PDE4D: variants seen among roughly 807,000 people sequenced by gnomAD.
The protein encoded by PDE4D is 3',5'-cyclic-AMP phosphodiesterase 4D.
A neutral mutation model predicts 87.4 loss-of-function variants in PDE4D; 24 were observed. The ratio of observed to expected loss-of-function variants is 0.27; its 90% CI spans 0.20 to 0.39. PDE4D has a LOEUF of 0.39. PDE4D is among the 10% of genes least tolerant of loss of function. The pLI, the probability that PDE4D is intolerant of heterozygous loss-of-function variation, is 1.00. For synonymous variants in PDE4D, 384 were observed against 383.2 expected (o/e 1.00, Z -0.02); for missense variants, 714 against 1,041.0 (o/e 0.69, Z 4.32).
intron 1 of PDE4D, among the ~76,000 whole-genome samples, chr5:60,388,405 A>C (rs1762343351): frequency 6.8e-6 from 1 of 146,570 alleles, no homozygotes; most frequent in Non-Finnish European, 1.5e-5. Context: ...CTAAAAAAAA[A>C]ATGGGATAAA....
chr5:60,413,164 A>G (rs1742182746), intron 1 of PDE4D, among the ~76,000 whole-genome samples: 1 of 152,126 alleles, frequency 6.6e-6, no homozygotes, highest in Admixed American at 6.5e-5. Flanking sequence ...TTATCCCAGG[A>G]CATACTTCCT....
intron 1 of PDE4D, among the ~76,000 whole-genome samples, chr5:60,195,681 T>G (rs2149531198): frequency 6.6e-6 from 1 of 151,782 alleles, no homozygotes; most frequent in African/African-American, 2.4e-5. Flanking sequence ...CGTGGAACTC[T>G]CATTCTAGTG....
At chr5:59,573,242 C>G (rs141252516) in intron 1 of PDE4D, among the ~76,000 whole-genome samples, 99 of 152,272 alleles carry the variant, frequency 6.5e-4, no homozygotes, top group African/African-American at 2.2e-3. Context: ...AATCCCAAAA[C>G]TCACCTCTAA....
chr5:59,668,832 AGG>A lies in PDE4D; in HGVS notation c.455+224334_455+224335del, dbSNP rs1457786432. Among the ~76,000 whole-genome samples the A allele has an allele frequency of 1.5e-4, 11 of 75,680 alleles. 1 individual carries two copies. Among genetic ancestry groups the A allele is most frequent in the African/African-American group, 6.8e-4 (11 of 16,144 alleles). 49.6% of individuals were successfully genotyped at this position (75,680 alleles called of 152,430 possible). A position where few individuals can be genotyped will look rare whatever the true frequency, so the allele number is the denominator to read the frequency against. ...GAAGAAGAAGAAGAAGAAGAAGAAG[AGG>A]AAGAGGAAGAGGAAGAAGAAGAAGA... On this transcript the variant is annotated intron_variant, in intron 1 of 14. Coordinates refer to ENST00000340635, the MANE Select transcript of PDE4D (RefSeq NM_001104631.2).
chr5:59,739,137 G>A (rs182716538), intron 1 of PDE4D, among the ~76,000 whole-genome samples: 29 of 152,202 alleles, frequency 1.9e-4, no homozygotes, highest in South Asian at 6.2e-4. Context: ...GAGGGAGAAA[G>A]GGCTGGGTGC....
At chr5:60,198,840 G>T (rs1015253518) in intron 1 of PDE4D, among the ~76,000 whole-genome samples, 1 of 151,574 alleles carries the variant, frequency 6.6e-6, no homozygotes, top group Admixed American at 6.6e-5. Context: ...CAAGCATTGG[G>T]TTTTTTAGGA....
In PDE4D at chr5:59,893,568, C is replaced by A; in HGVS notation, c.55G>T (p.Asp19Tyr). ...TTGAGCGTGGCCCCGCCGGCGCTGT[C>A]GCTGCCCTCTCCGCTGCCCGCCCGG... ...PARAGSGEGS[D>Y]SAGGATLKAP... The change falls in exon 1 of 15, where the codon GAC (aspartate) becomes TAC (tyrosine). Residue 19 changes from aspartate (D) to tyrosine (Y), a missense_variant. By Grantham distance (160) the Asp-to-Tyr change is radical. Coordinates refer to ENST00000340635, the MANE Select transcript of PDE4D (RefSeq NM_001104631.2). 6.5e-7 allele frequency: 1 copy of A among 1,530,314 alleles called. No individual in the cohort carries two copies. Among genetic ancestry groups the A allele is most frequent in the Non-Finnish European group, 8.8e-7 (1 of 1,138,766 alleles). The allele number at this position is 1,530,314 out of a possible 1,614,324, so 94.8% of individuals were successfully genotyped here.
At chr5:59,084,404 A>T (rs1767307832) in intron 5 of PDE4D, among the ~76,000 whole-genome samples, 1 of 151,970 alleles carries the variant, frequency 6.6e-6, no homozygotes, top group African/African-American at 2.4e-5. Context: ...CTAAGGATTT[A>T]TAAAATATAT....
At chr5:59,301,988 C>T (rs183983530) in intron 1 of PDE4D, among the ~76,000 whole-genome samples, 17 of 152,260 alleles carry the variant, frequency 1.1e-4, no homozygotes, top group African/African-American at 2.6e-4. Context: ...GGCAAAATGG[C>T]GGAGTTTGGC....
chr5:60,167,187 GT>G (rs1263066567), intron 2 of PDE4D, among the ~76,000 whole-genome samples: 1 of 143,642 alleles, frequency 7.0e-6, no homozygotes, highest in Non-Finnish European at 1.5e-5. Context: ...TCAAACATTT[GT>G]TTTTTGATGC....
At chr5:59,850,662 G>T (rs563027978) in intron 1 of PDE4D, among the ~76,000 whole-genome samples, 1 of 151,940 alleles carries the variant, frequency 6.6e-6, no homozygotes, top group Non-Finnish European at 1.5e-5. Context: ...CGCCAGAGAT[G>T]GTACAGATTA....
intron 3 of PDE4D, among the ~76,000 whole-genome samples, chr5:59,938,621 C>T (rs920655553): frequency 6.6e-6 from 1 of 152,184 alleles, no homozygotes; most frequent in African/African-American, 2.4e-5. Flanking sequence ...GGTTCCTTGA[C>T]ACACATCCTC....
intron 2 of PDE4D, among the ~76,000 whole-genome samples, chr5:60,097,877 T>C (rs896326729): frequency 2.0e-5 from 3 of 151,996 alleles, no homozygotes; most frequent in African/African-American, 7.2e-5. Flanking sequence ...GATATTTACC[T>C]GCTCCTGTAG....
intron 1 of PDE4D, among the ~76,000 whole-genome samples, chr5:59,474,845 T>C (rs903606382): frequency 4.6e-5 from 7 of 152,238 alleles, no homozygotes; most frequent in African/African-American, 7.2e-5. Context: ...TTTTGCAGTA[T>C]TAAATTCAAA....
chr5:59,284,439 T>C (rs537086308), intron 1 of PDE4D, among the ~76,000 whole-genome samples: 1 of 152,248 alleles, frequency 6.6e-6, no homozygotes, highest in South Asian at 2.1e-4. Context: ...TTCATGTGTT[T>C]TTTGGCTGCA....
intron 1 of PDE4D, among the ~76,000 whole-genome samples, chr5:60,446,501 C>CATATACTA (rs1561266901): frequency 1.3e-5 from 2 of 152,108 alleles, no homozygotes; most frequent in African/African-American, 4.8e-5. Flanking sequence ...ATCATATTAT[C>CATATACTA]ATATACTAGC....
chr5:59,668,817 A>G (rs1189006731), intron 1 of PDE4D, among the ~76,000 whole-genome samples: 1 of 91,738 alleles, frequency 1.1e-5, no homozygotes, highest in Non-Finnish European at 2.0e-5. Flanking sequence ...GAAGAAGAAG[A>G]AGAAGAAGAA....
chr5:59,446,713 C>T (rs572481503), intron 1 of PDE4D, among the ~76,000 whole-genome samples: 3 of 152,278 alleles, frequency 2.0e-5, no homozygotes, highest in South Asian at 2.1e-4. Flanking sequence ...TACGGAGCTC[C>T]CCACAGGCAT....
chr5:59,550,603 G>A (rs1389022320), intron 1 of PDE4D, among the ~76,000 whole-genome samples: 1 of 151,992 alleles, frequency 6.6e-6, no homozygotes, highest in Non-Finnish European at 1.5e-5. Flanking sequence ...TTTCTTTAAA[G>A]TTGGGGTTTT....
Sources: allele counts gnomAD v4.1 joint callset (sites outside exome capture counted in the v4.1 genomes callset), GRCh38; gene constraint gnomAD v4.1.1; transcripts MANE v1.5; gene names NCBI Gene and HGNC (gene_info 2026-07-23, HGNC 2026-07-21).